The following ADAMTSL3 variants were observed in gnomAD, a reference collection of about 807,000 sequenced individuals.
The protein encoded by ADAMTSL3 is ADAMTS-like protein 3.
ADAMTSL3 carries 128 observed loss-of-function variants against 201.7 expected under a neutral mutation model. The ratio of observed to expected loss-of-function variants is 0.63; its 90% CI spans 0.55 to 0.73. The LOEUF (loss-of-function observed/expected upper bound fraction) is 0.73. ADAMTSL3 is among the 30% of genes least tolerant of loss of function. The pLI is 0.00. For synonymous variants in ADAMTSL3, 738 were observed against 748.4 expected (o/e 0.99, Z 0.23); for missense variants, 1,990 against 2,119.6 (o/e 0.94, Z 1.20).
chr15:83,836,912 G>A, intron 6 of ADAMTSL3, among the ~76,000 whole-genome samples: 1 of 152,250 alleles, frequency 6.6e-6, no homozygotes, highest in Non-Finnish European at 1.5e-5. Flanking sequence ...TATAAATAAA[G>A]TTAGATGAAT....
intron 17 of ADAMTSL3, 51 bp downstream of exon 17, chr15:83,924,084 C>T (rs781321130): frequency 1.2e-6 from 2 of 1,600,636 alleles, no homozygotes; most frequent in East Asian, 2.3e-5. Flanking sequence ...GTGGTAACAC[C>T]CTCCCTGCAG....
chr15:83,877,696 A>G (rs2065202101), intron 9 of ADAMTSL3, among the ~76,000 whole-genome samples: 2 of 152,198 alleles, frequency 1.3e-5, no homozygotes, highest in South Asian at 2.1e-4. Context: ...ACATTTTCCA[A>G]TACTAAGTCT....
chr15:84,016,284 A>C, intron 24 of ADAMTSL3, 99 bp from the exon 25 acceptor site: 1 of 843,250 alleles, frequency 1.2e-6, no homozygotes, highest in Non-Finnish European at 1.9e-6. Context: ...ATTATTATAG[A>C]GGACTCATTT....
At chr15:83,813,658 G>T (rs1437760747) in intron 5 of ADAMTSL3, among the ~76,000 whole-genome samples, 1 of 152,148 alleles carries the variant, frequency 6.6e-6, no homozygotes, top group Non-Finnish European at 1.5e-5. Flanking sequence ...CTCTGTCAGG[G>T]GAGATGGGGA....
intron 21 of ADAMTSL3, among the ~76,000 whole-genome samples, chr15:83,985,555 G>T (rs2067459720): frequency 6.6e-6 from 1 of 152,110 alleles, no homozygotes; most frequent in Admixed American, 6.6e-5. Context: ...TGTCGTATGG[G>T]ATATGAAAAA....
At chr15:83,941,847 G>A (rs973002357) in intron 17 of ADAMTSL3, among the ~76,000 whole-genome samples, 1 of 152,176 alleles carries the variant, frequency 6.6e-6, no homozygotes, top group Non-Finnish European at 1.5e-5. Flanking sequence ...AAGAATTCAT[G>A]TTTGCTAATT....
chr15:83,771,728 A>G (rs2141744832), intron 3 of ADAMTSL3, among the ~76,000 whole-genome samples: 1 of 152,370 alleles, frequency 6.6e-6, no homozygotes, highest in Non-Finnish European at 1.5e-5. Flanking sequence ...GCTATTGCAA[A>G]CAATGAGTGT....
At chr15:83,944,174 C>G (rs1315871088) in intron 19 of ADAMTSL3, among the ~76,000 whole-genome samples, 1 of 152,136 alleles carries the variant, frequency 6.6e-6, no homozygotes, top group Non-Finnish European at 1.5e-5. Flanking sequence ...CTGTGGAAAG[C>G]GAAACCGTGG....
At position 83,892,742 on chromosome 15, in the gene ADAMTSL3, C is replaced by T. The variant is rs747251830; in HGVS notation, c.1321C>T (p.Arg441Trp). ...SVSCGGGIQRRSFVCVEESMH... is the reference protein window; with the variant it reads ...SVSCGGGIQRWSFVCVEESMH... Reference sequence around the variant, plus strand: ...GTCCTGTGGAGGAGGGATTCAGAGACGGAGCTTTGTGTGTGTAGAGGAATC... The same window carrying T: ...GTCCTGTGGAGGAGGGATTCAGAGATGGAGCTTTGTGTGTGTAGAGGAATC... Residue 441 changes from arginine to tryptophan, a missense_variant, in exon 13 of 30, where the codon CGG becomes TGG. By Grantham distance (101) the Arg-to-Trp change is moderately radical (BLOSUM62 -3). Transcript: ENST00000286744. 13 of 1,613,846 alleles carry T rather than the reference C, an allele frequency of 8.1e-6. No homozygotes were observed. Among genetic ancestry groups the T allele is most frequent in the Admixed American group, 1.7e-5 (1 of 59,980 alleles).
At position 83,874,406 on chromosome 15, in the gene ADAMTSL3, G is replaced by A. The variant is rs944905646; in HGVS notation, c.960+3447G>A. Reference sequence around the variant, plus strand: ...TAGTCACAGGTTGAGTCTCCCCGGAGTCTCCTTCAGTTCCTGAGTGGTAAT... The same window carrying A: ...TAGTCACAGGTTGAGTCTCCCCGGAATCTCCTTCAGTTCCTGAGTGGTAAT... On this transcript the variant is annotated intron_variant, in intron 9 of 29. Transcript: ENST00000286744. 1.4e-5 allele frequency among the ~76,000 whole-genome samples: 2 copies of A among 144,788 alleles called. 1 individual carries two copies. The highest frequency in any genetic ancestry group is 4.6e-4 in the East Asian group (2 of 4,366). The allele number at this position is 144,788 out of a possible 152,430, so 95.0% of individuals were successfully genotyped here. A position where few individuals can be genotyped will look rare whatever the true frequency, so the allele number is the denominator to read the frequency against.
intron 2 of ADAMTSL3, among the ~76,000 whole-genome samples, chr15:83,679,921 A>G (rs1277944785): frequency 6.6e-6 from 1 of 152,128 alleles, no homozygotes; most frequent in Non-Finnish European, 1.5e-5. Context: ...TGGGAGTCCA[A>G]AATCCTGACT....
rs895221638 is a variant in ADAMTSL3 at position 83,943,138 on chromosome 15, G to C, written c.2490+56G>C. 5.2e-6 allele frequency: 8 copies of C among 1,529,658 alleles called. No homozygotes were observed. In the African/African-American group the frequency reaches 1.1e-4, roughly 21 times the overall value. The allele number at this position is 1,529,658 out of a possible 1,614,324, so 94.8% of individuals were successfully genotyped here. A position where few individuals can be genotyped will look rare whatever the true frequency, so the allele number is the denominator to read the frequency against. On this transcript the variant is annotated intron_variant, in intron 19 of 29. Coordinates refer to ENST00000286744, the MANE Select transcript of ADAMTSL3 (RefSeq NM_207517.3). ...TCTTTTCTGCCCCTCCTTTGTTTCA[G>C]CTTCTAAATATTTCCACAAGATCAG...
At chr15:83,919,433 C>T (rs867154957) in intron 16 of ADAMTSL3, among the ~76,000 whole-genome samples, 24 of 151,950 alleles carry the variant, frequency 1.6e-4, no homozygotes, top group South Asian at 4.2e-4. Context: ...CATGCAGAGG[C>T]GGAGAGGTGA....
chr15:83,655,617 C>A (rs1329814083), intron 1 of ADAMTSL3, 112 bp from the exon 2 acceptor site: 18 of 767,482 alleles, frequency 2.3e-5, no homozygotes, highest in Non-Finnish European at 3.6e-5. Context: ...ACAAACCTTT[C>A]CAAAATAGTA....
chr15:83,680,109 G>A (rs2061457192), intron 2 of ADAMTSL3, among the ~76,000 whole-genome samples: 1 of 152,090 alleles, frequency 6.6e-6, no homozygotes, highest in Non-Finnish European at 1.5e-5. Flanking sequence ...GATGTTTGTT[G>A]TGCTGGGCTG....
At chr15:84,027,616 A>G (rs2068334346) in intron 27 of ADAMTSL3, among the ~76,000 whole-genome samples, 1 of 152,102 alleles carries the variant, frequency 6.6e-6, no homozygotes, top group Non-Finnish European at 1.5e-5. Context: ...AGGCTGAGGC[A>G]GGAGAATGGT....
chr15:83,943,033 G>A lies in ADAMTSL3; in HGVS notation c.2441G>A (p.Cys814Tyr), dbSNP rs143157214. 1,224 of 1,614,028 alleles carry A rather than the reference G, an allele frequency of 7.6e-4. 1 individual carries two copies. The highest frequency in any genetic ancestry group is 9.6e-4 in the Non-Finnish European group (1,133 of 1,179,936). The change falls in exon 19 of 30, where the codon TGT (cysteine) becomes TAT (tyrosine). Residue 814 changes from cysteine (C) to tyrosine (Y), a missense_variant. Cys to Tyr is a radical substitution (Grantham distance 194, BLOSUM62 -2). Transcript: ENST00000286744. Reference protein sequence around the residue: ...QGPKASSHKSCARTDCPPHLA... With the variant: ...QGPKASSHKSYARTDCPPHLA... ...CCCAAGGCATCGTCTCACAAGTCCT[G>A]TGCCAGGACAGACTGTCCTCCACAT...
intron 27 of ADAMTSL3, 181 bp downstream of exon 27, chr15:84,025,617 T>G (rs540538900): frequency 1.6e-6 from 1 of 622,164 alleles, no homozygotes; most frequent in South Asian, 2.1e-5. Flanking sequence ...TATCTCTGTC[T>G]TCCAGTACAA....
rs777288242 is a variant in ADAMTSL3, at chr15:84,038,146, G to A, written c.*340G>A. The A allele has an allele frequency of 1.6e-4, 36 of 218,656 alleles. No individual in the cohort carries two copies. The highest frequency in any genetic ancestry group is 6.0e-4 in the Admixed American group (11 of 18,426). The allele number at this position is 218,656 out of a possible 1,614,324, so 13.5% of individuals were successfully genotyped here. Reference sequence around the variant, plus strand: ...CCTCTTTCCTGTGATATGTAGACTAGCACAGAGTGGTACATCCTAAAAACT... The same window carrying A: ...CCTCTTTCCTGTGATATGTAGACTAACACAGAGTGGTACATCCTAAAAACT... On this transcript the variant is annotated 3_prime_UTR_variant, in exon 30 of 30. Transcript: ENST00000286744.
Sources: gnomAD v4.1 joint callset for allele counts (sites outside exome capture counted in the v4.1 genomes callset) on GRCh38, gnomAD v4.1.1 for gene constraint, MANE v1.5 for transcripts, NCBI Gene and HGNC (gene_info 2026-07-23, HGNC 2026-07-21) for gene names.